VPS37C: variants seen among roughly 807,000 people sequenced by gnomAD.
VPS37C encodes VPS37C subunit of ESCRT-I.
Under a neutral mutation model 16.1 loss-of-function variants are expected in VPS37C, and 9 were observed. That is an observed-to-expected ratio of 0.56 (90% CI 0.34 to 0.97). The LOEUF (loss-of-function observed/expected upper bound fraction) is 0.97, where lower values mean the gene tolerates loss of function less well. Ranked by LOEUF, VPS37C falls within the 50% of genes least tolerant of loss-of-function variation. The probability of loss-of-function intolerance (pLI) is 0.02; values close to 1 mark genes in which losing one functional copy is unlikely to be tolerated. For synonymous variants in VPS37C, 207 were observed against 206.4 expected, an observed-to-expected ratio of 1.00 and a Z score of -0.02; for missense variants, 479 against 472.7, an observed-to-expected ratio of 1.01 and a Z score of -0.12.
intron 1 of VPS37C, among the ~76,000 whole-genome samples, chr11:61,160,533 G>A (rs975660436): frequency 2.0e-5 from 3 of 152,186 alleles, no homozygotes; most frequent in African/African-American, 7.2e-5. Flanking sequence ...AGGTACCGCT[G>A]GAGCGAAGGG....
intron 2 of VPS37C, among the ~76,000 whole-genome samples, chr11:61,137,431 C>T (rs991773113): frequency 7.2e-5 from 11 of 152,174 alleles, no homozygotes; most frequent in South Asian, 2.1e-4. Context: ...CCCAAGAGGT[C>T]GCTTCTGCTC....
chr11:61,136,270 A>T (rs1302646576), intron 2 of VPS37C, among the ~76,000 whole-genome samples: 1 of 148,308 alleles, frequency 6.7e-6, no homozygotes, highest in Non-Finnish European at 1.5e-5. Flanking sequence ...GGTTCAAGCG[A>T]TTCTCCTGCC....
At chr11:61,150,187 G>A (rs1463509233) in intron 1 of VPS37C, among the ~76,000 whole-genome samples, 1 of 152,152 alleles carries the variant, frequency 6.6e-6, no homozygotes, top group Non-Finnish European at 1.5e-5. Context: ...CTGACTTCCA[G>A]GTCAGCTCAG....
At chr11:61,156,763 T>C (rs1853383705) in intron 1 of VPS37C, among the ~76,000 whole-genome samples, 1 of 152,254 alleles carries the variant, frequency 6.6e-6, no homozygotes, top group African/African-American at 2.4e-5. Context: ...ATTTTAATCA[T>C]TTTTAAGTAT....
chr11:61,132,060 TG>T lies in VPS37C; in HGVS notation c.827del (p.Pro276GlnfsTer162). 3.6e-6 allele frequency: 5 copies of T among 1,389,386 alleles called. No individual in the cohort carries two copies. In the South Asian group the frequency reaches 8.7e-5, roughly 24 times the overall value. The allele number at this position is 1,389,386 out of a possible 1,614,324, so 86.1% of individuals were successfully genotyped here. A position where few individuals can be genotyped will look rare whatever the true frequency, so the allele number is the denominator to read the frequency against. The part of the protein sequence containing the change: ...MPPRPGYPGT[P>X]MGASGPGYPL... Reference sequence around the variant, plus strand: ...GGTACCCAGGCCCAGAGGCACCCATTGGGGTCCCAGGATAGCCCGGCCGGGG... The same window carrying T: ...GGTACCCAGGCCCAGAGGCACCCATTGGGTCCCAGGATAGCCCGGCCGGGG... On this transcript the variant is annotated frameshift_variant, in exon 5 of 5. Transcript: ENST00000301765. LOFTEE classifies it low-confidence loss of function (END_TRUNC).
Position 61,130,549 on chromosome 11 carries a change from A to G in VPS37C, c.*1271T>C, listed in dbSNP as rs1164161131. ...AGGTAGTGGACATTTCAAGGCACGT[A>G]CAACTTCCTAAGCAATAGCAGCTCC... On this transcript the variant is annotated 3_prime_UTR_variant, in exon 5 of 5. Transcript: ENST00000301765. The G allele has an allele frequency of 1.2e-4, 30 of 250,230 alleles. No individual in the cohort carries two copies. In the Admixed American group the frequency reaches 1.9e-3, roughly 16 times the overall value. The allele number at this position is 250,230 out of a possible 1,614,324, so 15.5% of individuals were successfully genotyped here.
intron 2 of VPS37C, among the ~76,000 whole-genome samples, chr11:61,136,120 C>T (rs1391701913): frequency 2.0e-5 from 3 of 151,070 alleles, no homozygotes; most frequent in African/African-American, 7.3e-5. Flanking sequence ...AACAAATACT[C>T]AAGGTGATGG....
intron 1 of VPS37C, among the ~76,000 whole-genome samples, chr11:61,154,464 G>A (rs975022262): frequency 6.6e-6 from 1 of 152,098 alleles, no homozygotes; most frequent in African/African-American, 2.4e-5. Context: ...CAGCAGATTA[G>A]ACAATGCAGA....
chr11:61,142,366 G>A (rs935168893), intron 1 of VPS37C, among the ~76,000 whole-genome samples: 46 of 151,384 alleles, frequency 3.0e-4, no homozygotes, highest in African/African-American at 9.6e-4. Flanking sequence ...TAAGTAAACC[G>A]GACTACAGGC....
intron 3 of VPS37C, 65 bp downstream of exon 3, chr11:61,133,971 G>T: frequency 6.5e-7 from 1 of 1,544,312 alleles, no homozygotes; most frequent in Non-Finnish European, 8.8e-7. Context: ...CACAGGGCTG[G>T]GAACACGGTG....
intron 1 of VPS37C, among the ~76,000 whole-genome samples, chr11:61,159,479 G>C (rs1853429232): frequency 6.6e-6 from 1 of 152,048 alleles, no homozygotes; most frequent in African/African-American, 2.4e-5. Flanking sequence ...CATTAACTTC[G>C]AAATAAGACT....
chr11:61,146,769 C>A (rs1350039088), intron 1 of VPS37C, among the ~76,000 whole-genome samples: 2 of 152,234 alleles, frequency 1.3e-5, no homozygotes, highest in Admixed American at 6.5e-5. Flanking sequence ...TGGTTCCTCA[C>A]TACCAGCCCC....
At chr11:61,155,280 T>C (rs914747387) in intron 1 of VPS37C, among the ~76,000 whole-genome samples, 2 of 151,904 alleles carry the variant, frequency 1.3e-5, no homozygotes, top group Non-Finnish European at 2.9e-5. Context: ...GGCCAGGAAG[T>C]CAAGACCAGC....
intron 1 of VPS37C, among the ~76,000 whole-genome samples, chr11:61,143,107 G>A (rs1392427084): frequency 6.6e-6 from 1 of 151,754 alleles, no homozygotes; most frequent in Non-Finnish European, 1.5e-5. Flanking sequence ...AAACAGAGCG[G>A]CGTGCGGAAC....
chr11:61,146,478 C>T (rs142313704), intron 1 of VPS37C, among the ~76,000 whole-genome samples: 4 of 152,326 alleles, frequency 2.6e-5, no homozygotes, highest in Non-Finnish European at 2.9e-5. Flanking sequence ...AGAGATGGGC[C>T]GCTCTGTGGG....
intron 4 of VPS37C, chr11:61,132,989 G>C: frequency 1.7e-6 from 1 of 581,406 alleles, no homozygotes; most frequent in East Asian, 3.1e-5. Flanking sequence ...TCAGCCCCTG[G>C]GGGCCTCCTG....
intron 1 of VPS37C, among the ~76,000 whole-genome samples, chr11:61,159,495 GT>G (rs1350694158): frequency 3.9e-5 from 6 of 152,040 alleles, no homozygotes; most frequent in Admixed American, 3.9e-4. Context: ...AGACTGATGG[GT>G]TACAAATCTC....
chr11:61,145,042 T>G (rs1853174470), intron 1 of VPS37C: 1 of 152,232 alleles, frequency 6.6e-6, no homozygotes, highest in African/African-American at 2.4e-5. Context: ...ATGGCTCTTT[T>G]CTTCTGAAAT....
At chr11:61,150,725 G>A (rs944444747) in intron 1 of VPS37C, among the ~76,000 whole-genome samples, 6 of 151,432 alleles carry the variant, frequency 4.0e-5, no homozygotes, top group African/African-American at 7.3e-5. Context: ...CCCCTACCCC[G>A]CTGCTCCCAA....
Sources: gnomAD v4.1 joint callset for allele counts (sites outside exome capture counted in the v4.1 genomes callset) on GRCh38, gnomAD v4.1.1 for gene constraint, MANE v1.5 for transcripts, NCBI Gene and HGNC (gene_info 2026-07-23, HGNC 2026-07-21) for gene names.